Variants in LGALS9 observed in about 807,000 individuals in gnomAD.
LGALS9 encodes galectin 9.
LGALS9 carries 26 observed loss-of-function variants against 35.9 expected under a neutral mutation model. That is an observed-to-expected ratio of 0.72 (90% CI 0.53 to 1.01). The LOEUF (loss-of-function observed/expected upper bound fraction) is 1.01, where lower values mean the gene tolerates loss of function less well. LGALS9 is among the 50% of genes least tolerant of loss of function. LGALS9 has a pLI of 0.00. For missense variants in LGALS9, 347 were observed against 445.8 expected, an observed-to-expected ratio of 0.78 and a Z score of 1.99; for synonymous variants, 149 against 172.2, an observed-to-expected ratio of 0.87 and a Z score of 1.06.
In LGALS9 at chr17:27,648,947, G is replaced by C. The variant is rs1905128303; in HGVS notation, c.1033G>C (p.Gly345Arg). 2 of 1,613,846 alleles carry C rather than the reference G, an allele frequency of 1.2e-6. No individual in the cohort carries two copies. The highest frequency in any genetic ancestry group is 2.7e-5 in the African/African-American group (2 of 74,900). Residue 345 changes from glycine (G) to arginine (R), a missense_variant, in exon 11 of 11, where the codon GGG becomes CGG. Physicochemically the swap from Gly to Arg is moderately radical, Grantham distance 125. Transcript: ENST00000395473. ...GCCCACCATCAACAGACTGGAAGTG[G>C]GGGGCGACATCCAGCTGACCCATGT... ...NLPTINRLEV[G>R]GDIQLTHVQT
chr17:27,639,412 C>T (rs1346427436), intron 2 of LGALS9, among the ~76,000 whole-genome samples: 1 of 150,186 alleles, frequency 6.7e-6, no homozygotes, highest in African/African-American at 2.4e-5. Context: ...AGAGACAGAT[C>T]CTACCTCAGA....
rs746343209 is a variant in LGALS9, at chr17:27,631,275, A to G, written c.10A>G (p.Ser4Gly). The change falls in exon 1 of 11, where the codon AGC (serine) becomes GGC (glycine). Residue 4 changes from serine (S) to glycine (G), a missense_variant. Ser to Gly is a moderately conservative substitution (Grantham distance 56). Coordinates refer to ENST00000395473, the MANE Select transcript of LGALS9 (RefSeq NM_009587.3). The stretch of plus-strand genomic sequence containing the variant: ...CAGAGGCGGCGGAGAGATGGCCTTC[A>G]GCGGTTCCCAGGCTCCCTACCTGAG... MAFSGSQAPYLSPA... is the reference protein window; with the variant it reads MAFGGSQAPYLSPA... 8 of 1,614,056 alleles carry G rather than the reference A, an allele frequency of 5.0e-6. No homozygotes were observed. In the Admixed American group the frequency reaches 1.3e-4, roughly 27 times the overall value.
At chr17:27,640,400 A>G (rs1904372660) in intron 2 of LGALS9, 172 bp from the exon 3 acceptor site, 1 of 979,480 alleles carries the variant, frequency 1.0e-6, no homozygotes, top group Non-Finnish European at 1.5e-6. Context: ...TAAAACAAAA[A>G]CACATTAGAT....
intron 1 of LGALS9, 23 bp from the exon 2 acceptor site, chr17:27,638,240 G>A: frequency 4.5e-6 from 3 of 662,948 alleles, no homozygotes; most frequent in East Asian, 2.8e-5. Context: ...CCTGACTGAT[G>A]TTCCCACACC....
chr17:27,648,115 G>T (rs773205389), intron 10 of LGALS9, among the ~76,000 whole-genome samples: 2 of 152,230 alleles, frequency 1.3e-5, no homozygotes, highest in African/African-American at 2.4e-5. Flanking sequence ...CTGGGCATTC[G>T]TATTTTAAAA....
chr17:27,639,735 A>AATT (rs1053550552), intron 2 of LGALS9, among the ~76,000 whole-genome samples: 4 of 151,116 alleles, frequency 2.6e-5, no homozygotes, highest in African/African-American at 4.9e-5. Flanking sequence ...ATGCCCAGCT[A>AATT]ATTATTATTA....
intron 10 of LGALS9, 140 bp downstream of exon 10, chr17:27,647,572 C>G (rs996774978): frequency 8.4e-7 from 1 of 1,196,730 alleles, no homozygotes; most frequent in Admixed American, 3.1e-5. Flanking sequence ...AGGTGGCCAA[C>G]AAATTATTAT....
intron 4 of LGALS9, 35 bp from the exon 5 acceptor site, chr17:27,643,490 T>C (rs1314349029): frequency 6.2e-7 from 1 of 1,610,862 alleles, no homozygotes; most frequent in East Asian, 2.2e-5. Context: ...CTATTAATGC[T>C]TCTCCTCACT....
intron 1 of LGALS9, among the ~76,000 whole-genome samples, chr17:27,632,558 C>T (rs956529309): frequency 6.6e-6 from 1 of 151,526 alleles, no homozygotes; most frequent in African/African-American, 2.4e-5. Flanking sequence ...TGGAACAGGC[C>T]GCTGGTGGGG....
At chr17:27,640,251 TTAA>T (rs762370605) in intron 2 of LGALS9, 12 of 406,674 alleles carry the variant, frequency 3.0e-5, no homozygotes, top group Admixed American at 7.4e-5. Context: ...CTAGGTGTGC[TTAA>T]CAACTTCCAT....
chr17:27,642,414 A>G (rs3094268), intron 4 of LGALS9, 66 bp downstream of exon 4: 1,261,302 of 1,606,552 alleles, frequency 0.79, 499,512 homozygotes, highest in African/African-American at 0.96. Context: ...GCTGTGTCTA[A>G]GCCCTGCTGG....
chr17:27,646,007 T>C, intron 7 of LGALS9, 96 bp downstream of exon 7: 1 of 1,551,818 alleles, frequency 6.4e-7, no homozygotes. Flanking sequence ...AAGAAAGCGG[T>C]TTAGCAAGGA....
chr17:27,642,522 C>T, intron 4 of LGALS9, 174 bp downstream of exon 4: 5 of 1,160,374 alleles, frequency 4.3e-6, no homozygotes, highest in South Asian at 1.6e-5. Flanking sequence ...TCACTCTGCC[C>T]CTCCTTCTGT....
intron 3 of LGALS9, among the ~76,000 whole-genome samples, 191 bp from the exon 4 acceptor site, chr17:27,642,047 A>C (rs1230162245): frequency 6.6e-6 from 1 of 152,172 alleles, no homozygotes; most frequent in Admixed American, 6.5e-5. Context: ...CAGAAGAACG[A>C]AAAGTCCAAC....
chr17:27,649,150 G>C lies in LGALS9; in HGVS notation c.*168G>C. On this transcript the variant is annotated 3_prime_UTR_variant, in exon 11 of 11. Coordinates refer to ENST00000395473, the MANE Select transcript of LGALS9 (RefSeq NM_009587.3). ...CTTCTGGCTACAGCCACCCTGGAAC[G>C]GAGAAGGCAGCTGACGGGGATTGCC... The C allele has an allele frequency of 1.8e-6, 2 of 1,090,164 alleles. No homozygotes were observed. The highest frequency in any genetic ancestry group is 2.6e-6 in the Non-Finnish European group (2 of 762,926). The allele number at this position is 1,090,164 out of a possible 1,614,324, so 67.5% of individuals were successfully genotyped here. A position where few individuals can be genotyped will look rare whatever the true frequency, so the allele number is the denominator to read the frequency against.
chr17:27,641,502 G>C lies in LGALS9; in HGVS notation c.333+729G>C, dbSNP rs1391110668. ...ACGATGAGAACACATGGACAAAATG[G>C]GGGGAAACAACACACCCTTGGGCCT... On this transcript the variant is annotated intron_variant, in intron 3 of 10. Coordinates refer to ENST00000395473, the MANE Select transcript of LGALS9 (RefSeq NM_009587.3). 4.6e-5 allele frequency among the ~76,000 whole-genome samples: 7 copies of C among 152,134 alleles called. No homozygotes were observed. In the East Asian group the frequency reaches 1.4e-3, roughly 29 times the overall value.
chr17:27,646,004 C>A (rs185164589), intron 7 of LGALS9, 93 bp downstream of exon 7: 11 of 1,576,676 alleles, frequency 7.0e-6, no homozygotes, highest in Non-Finnish European at 9.6e-6. Context: ...GGGAAGAAAG[C>A]GGTTTAGCAA....
At chr17:27,641,486 A>G (rs1904495713) in intron 3 of LGALS9, among the ~76,000 whole-genome samples, 1 of 152,172 alleles carries the variant, frequency 6.6e-6, no homozygotes, top group South Asian at 2.1e-4. Flanking sequence ...AACGATGAGA[A>G]CACATGGACA....
chr17:27,638,778 G>A (rs905978992), intron 2 of LGALS9: 37 of 294,606 alleles, frequency 1.3e-4, no homozygotes, highest in South Asian at 3.5e-4. Flanking sequence ...GGTCTCTTTT[G>A]GTTTCAAGGC....
Sources: gnomAD v4.1 joint callset for allele counts (sites outside exome capture counted in the v4.1 genomes callset) on GRCh38, gnomAD v4.1.1 for gene constraint, MANE v1.5 for transcripts, NCBI Gene and HGNC (gene_info 2026-07-23, HGNC 2026-07-21) for gene names.